The following SLC22A16 variants were observed in gnomAD, a reference collection of about 807,000 sequenced individuals.
The protein encoded by SLC22A16 is WUGSC:RG331P03.1.
SLC22A16 carries 53 observed loss-of-function variants against 52.9 expected under a neutral mutation model. That is an observed-to-expected ratio of 1.00 (90% confidence interval 0.80 to 1.26). The LOEUF is 1.26. Ranked by LOEUF, SLC22A16 falls within the 50% of genes most tolerant of loss-of-function variation. SLC22A16 has a pLI of 0.00. For synonymous variants in SLC22A16, 291 were observed against 268.8 expected (o/e 1.08, Z -0.81); for missense variants, 726 against 704.0 (o/e 1.03, Z -0.35).
At chr6:110,444,638 G>T (rs772980245) in intron 3 of SLC22A16, among the ~76,000 whole-genome samples, 1 of 152,114 alleles carries the variant, frequency 6.6e-6, no homozygotes. Flanking sequence ...CAAAGAGGCC[G>T]GCCTACAAGG....
chr6:110,438,604 A>G lies in SLC22A16; in HGVS notation c.1311+116T>C, dbSNP rs766489258. The G allele has an allele frequency of 3.9e-5, 42 of 1,084,256 alleles. No individual in the cohort carries two copies. The Admixed American group carries it at 4.8e-4, about 12-fold the overall frequency. 67.2% of individuals were successfully genotyped at this position (1,084,256 alleles called of 1,614,324 possible). On this transcript the variant is annotated intron_variant, in intron 5 of 7. Transcript: ENST00000368919. ...AAGAAAACAGATTTTTAAATATTAT[A>G]TACTCTGCCCAAATCATACTCTGAA...
At position 110,446,889 on chromosome 6, in the gene SLC22A16, C is replaced by T. The variant is rs1582551176; in HGVS notation, c.635G>A (p.Arg212His). ...ACAACTCACCATGGCAAGAAAAAAG[C>T]GAGCAGCCATGAAGGTGTAATAATC... ...AVDYYTFMAA[R>H]FFLAMVASGY... The change falls in exon 3 of 8, where the codon CGC becomes CAC. Residue 212 changes from arginine to histidine, a missense_variant. Transcript: ENST00000368919. 6.2e-6 allele frequency: 10 copies of T among 1,609,806 alleles called. No individual in the cohort carries two copies. Among genetic ancestry groups the T allele is most frequent in the South Asian group, 4.5e-5 (4 of 89,840 alleles).
At chr6:110,469,089 C>A (rs1582592363) in intron 1 of SLC22A16, among the ~76,000 whole-genome samples, 1 of 152,214 alleles carries the variant, frequency 6.6e-6, no homozygotes, top group African/African-American at 2.4e-5. Context: ...ACAGTGCCAT[C>A]CAGTCTGCTT....
At chr6:110,429,092 A>C (rs775809273) in intron 7 of SLC22A16, among the ~76,000 whole-genome samples, 2 of 152,144 alleles carry the variant, frequency 1.3e-5, no homozygotes, top group Non-Finnish European at 2.9e-5. Flanking sequence ...TTATATTTGC[A>C]TGTTTCAACT....
intron 6 of SLC22A16, among the ~76,000 whole-genome samples, chr6:110,431,680 G>A (rs1393507157): frequency 4.6e-5 from 7 of 152,006 alleles, no homozygotes; most frequent in Non-Finnish European, 8.8e-5. Flanking sequence ...TTCTCAAAAC[G>A]GTGCCCATCA....
intron 7 of SLC22A16, among the ~76,000 whole-genome samples, chr6:110,425,915 AT>A (rs1471777466): frequency 6.6e-6 from 1 of 152,226 alleles, no homozygotes; most frequent in Admixed American, 6.5e-5. Flanking sequence ...AGCAAAATAT[AT>A]TTGCTGGAAA....
At chr6:110,474,659 C>T (rs980050408) in intron 1 of SLC22A16, among the ~76,000 whole-genome samples, 4 of 152,210 alleles carry the variant, frequency 2.6e-5, no homozygotes, top group Non-Finnish European at 5.9e-5. Flanking sequence ...CCCATTTGCC[C>T]CCTCTTCACC....
chr6:110,431,024 C>A (rs1774477471), intron 7 of SLC22A16, 147 bp downstream of exon 7: 1 of 631,634 alleles, frequency 1.6e-6, no homozygotes, highest in Non-Finnish European at 2.8e-6. Flanking sequence ...CACCAACTGG[C>A]CAGCTGTTGG....
intron 1 of SLC22A16, among the ~76,000 whole-genome samples, chr6:110,468,839 C>T (rs1465838899): frequency 1.3e-5 from 2 of 152,142 alleles, no homozygotes; most frequent in East Asian, 1.9e-4. Context: ...GACCCTCACA[C>T]CTGCAGGTCA....
At chr6:110,453,890 A>G (rs1775479492) in intron 2 of SLC22A16, among the ~76,000 whole-genome samples, 1 of 152,218 alleles carries the variant, frequency 6.6e-6, no homozygotes, top group African/African-American at 2.4e-5. Context: ...AGAAGGTCAA[A>G]GGTGAAGCAG....
intron 1 of SLC22A16, among the ~76,000 whole-genome samples, chr6:110,460,861 T>G (rs1252044071): frequency 6.6e-6 from 1 of 152,180 alleles, no homozygotes; most frequent in African/African-American, 2.4e-5. Flanking sequence ...AGTGCAGGTT[T>G]CTTCTAGGGG....
At position 110,442,276 on chromosome 6, in the gene SLC22A16, C is replaced by T. The variant is rs757465367; in HGVS notation, c.1151G>A (p.Gly384Glu). The change falls in exon 4 of 8, where the codon GGA (glycine) becomes GAA (glutamate). Residue 384 changes from glycine (G) to glutamate (E), a missense_variant. Physicochemically the swap from Gly to Glu is moderately conservative, Grantham distance 98. Coordinates refer to ENST00000368919, the MANE Select transcript of SLC22A16 (RefSeq NM_033125.4). ...GAAGAGGTTTAAGTATTCATTGCCT[C>T]CTAAGTTAACAGAATTCAAGGAAAA... ...YSFSLNSVNLGGNEYLNLFLL... is the reference protein window; with the variant it reads ...YSFSLNSVNLEGNEYLNLFLL... The T allele has an allele frequency of 6.2e-7, 1 of 1,614,132 alleles. No homozygotes were observed. The highest frequency in any genetic ancestry group is 8.5e-7 in the Non-Finnish European group (1 of 1,180,022).
intron 2 of SLC22A16, 163 bp downstream of exon 2, chr6:110,456,375 C>T (rs1233346835): frequency 3.2e-6 from 3 of 924,192 alleles, no homozygotes; most frequent in Non-Finnish European, 3.3e-6. Flanking sequence ...AGAGCCTATC[C>T]TTATCATTAT....
chr6:110,475,716 G>A (rs1014068595), intron 1 of SLC22A16, among the ~76,000 whole-genome samples: 2 of 152,168 alleles, frequency 1.3e-5, no homozygotes, highest in Non-Finnish European at 2.9e-5. Context: ...CCATAACGCT[G>A]CATGGCCCCT....
At chr6:110,469,796 T>C (rs1365549097) in intron 1 of SLC22A16, among the ~76,000 whole-genome samples, 4 of 152,216 alleles carry the variant, frequency 2.6e-5, no homozygotes, top group African/African-American at 9.6e-5. Flanking sequence ...CTAAAAGACA[T>C]TACACTAATG....
chr6:110,462,514 A>G (rs911824808), intron 1 of SLC22A16, among the ~76,000 whole-genome samples: 1 of 152,204 alleles, frequency 6.6e-6, no homozygotes, highest in African/African-American at 2.4e-5. Flanking sequence ...AGACTAGACC[A>G]AGCAGAAAAG....
intron 1 of SLC22A16, chr6:110,476,200 C>T (rs1776466486): frequency 6.6e-6 from 1 of 151,204 alleles, no homozygotes; most frequent in African/African-American, 3.1e-5. Context: ...GATCTGGCCC[C>T]TCGAGCCAGA....
intron 2 of SLC22A16, among the ~76,000 whole-genome samples, chr6:110,448,745 C>G (rs1412508938): frequency 1.3e-5 from 2 of 152,176 alleles, no homozygotes; most frequent in African/African-American, 4.8e-5. Context: ...GAACAGAGAC[C>G]ATCAAAGAGG....
At chr6:110,469,513 A>C (rs754850578) in intron 1 of SLC22A16, among the ~76,000 whole-genome samples, 8 of 152,226 alleles carry the variant, frequency 5.3e-5, no homozygotes, top group Non-Finnish European at 1.0e-4. Flanking sequence ...GTGCCACTGC[A>C]CTCTAGCCTG....
Sources: allele counts gnomAD v4.1 joint callset (sites outside exome capture counted in the v4.1 genomes callset), GRCh38; gene constraint gnomAD v4.1.1; transcripts MANE v1.5; gene names NCBI Gene and HGNC (gene_info 2026-07-23, HGNC 2026-07-21).